The following EPHB2 variants were observed in gnomAD, a reference collection of about 807,000 sequenced individuals.
EPHB2 encodes the protein ephrin type-B receptor 2.
EPHB2 carries 18 observed loss-of-function variants against 96.4 expected under a neutral mutation model. That is an observed-to-expected ratio of 0.19 (90% CI 0.13 to 0.28). The LOEUF is 0.28. EPHB2 is among the 10% of genes least tolerant of loss of function. The probability of loss-of-function intolerance (pLI) is 1.00; values close to 1 mark genes in which losing one functional copy is unlikely to be tolerated. For synonymous variants in EPHB2, 506 were observed against 534.1 expected (o/e 0.95, Z 0.72); for missense variants, 989 against 1,355.4 (o/e 0.73, Z 4.25).
chr1:22,903,493 A>G (rs1639813874), intron 9 of EPHB2, among the ~76,000 whole-genome samples: 1 of 152,224 alleles, frequency 6.6e-6, no homozygotes, highest in African/African-American at 2.4e-5. Context: ...GGCAGTGAAC[A>G]TGGTGATTAG....
chr1:22,801,871 C>T lies in EPHB2; in HGVS notation c.811+16795C>T, dbSNP rs538970654. 3.8e-3 allele frequency among the ~76,000 whole-genome samples: 580 copies of T among 152,358 alleles called. 4 individuals are homozygous for T. The highest frequency in any genetic ancestry group is 0.011 in the African/African-American group (473 of 41,572). ...TTCCCTTTGATTCTCCTCTACCCAG[C>T]GTTTCTGCTGACCTCTGCGTGTTGG... On this transcript the variant is annotated intron_variant, in intron 3 of 15. Coordinates refer to ENST00000374630, the MANE Select transcript of EPHB2 (RefSeq NM_017449.5).
intron 1 of EPHB2, among the ~76,000 whole-genome samples, chr1:22,742,122 G>C (rs545202362): frequency 5.3e-5 from 8 of 152,172 alleles, no homozygotes; most frequent in Non-Finnish European, 1.2e-4. Flanking sequence ...CCAGGCCCCT[G>C]CTCATAGGGT....
At chr1:22,908,689 C>T (rs1247043843) in intron 12 of EPHB2, among the ~76,000 whole-genome samples, 1 of 152,206 alleles carries the variant, frequency 6.6e-6, no homozygotes, top group African/African-American at 2.4e-5. Flanking sequence ...AGGCAAGTCA[C>T]TTGAGTACTG....
At chr1:22,839,082 A>G (rs982036099) in intron 3 of EPHB2, among the ~76,000 whole-genome samples, 5 of 152,170 alleles carry the variant, frequency 3.3e-5, no homozygotes, top group African/African-American at 2.4e-5. Flanking sequence ...AAAAAGCAAA[A>G]CAGCTTTCCC....
chr1:22,757,266 C>T (rs1304669520), intron 1 of EPHB2, among the ~76,000 whole-genome samples: 1 of 151,944 alleles, frequency 6.6e-6, no homozygotes, highest in Non-Finnish European at 1.5e-5. Flanking sequence ...ACCCCAGCCT[C>T]ACTGGGGAGA....
intron 1 of EPHB2, among the ~76,000 whole-genome samples, chr1:22,761,683 CCT>C (rs1345811596): frequency 6.6e-6 from 1 of 152,172 alleles, no homozygotes; most frequent in African/African-American, 2.4e-5. Flanking sequence ...CTCTCCTGGA[CCT>C]CTCTCTCCCT....
Position 22,875,931 on chromosome 1 carries a change from G to A in EPHB2, c.1304-6428G>A, listed in dbSNP as rs1638822986. 6.6e-6 allele frequency among the ~76,000 whole-genome samples: 1 copy of A among 152,148 alleles called. No homozygotes were observed. Among genetic ancestry groups the A allele is most frequent in the Non-Finnish European group, 1.5e-5 (1 of 68,028 alleles). The stretch of plus-strand genomic sequence containing the variant: ...ATGTGGGGGAAGAGGTTTCCAAGCA[G>A]AAACACCATAGGGCCAAGGCCCTGA... On this transcript the variant is annotated intron_variant, in intron 5 of 15. Coordinates refer to ENST00000374630, the MANE Select transcript of EPHB2 (RefSeq NM_017449.5). The surrounding 1 kb of genome is among the most constrained non-coding windows in gnomAD (Gnocchi z 4.2).
chr1:22,825,026 G>T (rs1239997550), intron 3 of EPHB2, among the ~76,000 whole-genome samples: 1 of 152,222 alleles, frequency 6.6e-6, no homozygotes, highest in Non-Finnish European at 1.5e-5. Flanking sequence ...AAGTCATCAG[G>T]AGCTCCTAGA....
intron 9 of EPHB2, 114 bp downstream of exon 9, chr1:22,896,592 A>G: frequency 7.0e-7 from 1 of 1,426,002 alleles, no homozygotes; most frequent in Non-Finnish European, 9.7e-7. Context: ...GACAATGTCA[A>G]GTGGTTGCCT....
chr1:22,895,533 C>T lies in EPHB2; in HGVS notation c.1653C>T (p.Gly551=), dbSNP rs866216294. Residue 551 remains glycine (G), a synonymous_variant, in exon 8 of 16, where the codon GGC becomes GGT. Transcript: ENST00000374630. ...TCATCATCGGCTCCTCGGCCGCTGG[C>T]CTGGTCTTCCTCATTGCTGTGGTTG... ...LPLIIGSSAA[G]LVFLIAVVVI... 7.4e-6 allele frequency: 12 copies of T among 1,614,246 alleles called. No individual in the cohort carries two copies. In the Middle Eastern group the frequency reaches 1.3e-3, roughly 178 times the overall value.
chr1:22,792,239 C>T (rs1488010865), intron 3 of EPHB2, among the ~76,000 whole-genome samples: 1 of 151,938 alleles, frequency 6.6e-6, no homozygotes, highest in Non-Finnish European at 1.5e-5. Flanking sequence ...GGAGGGAGGC[C>T]GCCAGCTGGC....
In EPHB2 at chr1:22,911,143, A is replaced by AAATAAAT. The variant is rs1640087330; in HGVS notation, c.2696+570_2696+571insTAAATAA. ...TGGCAAGAGTGAAACTCCATCTAAA[A>AAATAAAT]AAATAAATAAATAAATAAATAAATA... On this transcript the variant is annotated intron_variant, in intron 14 of 15. Transcript: ENST00000374630. Among the ~76,000 whole-genome samples, 268 of 133,816 alleles carry AAATAAAT rather than the reference A, an allele frequency of 2.0e-3. 3 individuals are homozygous for AAATAAAT. The highest frequency in any genetic ancestry group is 6.1e-3 in the South Asian group (27 of 4,408). The allele number at this position is 133,816 out of a possible 152,430, so 87.8% of individuals were successfully genotyped here. A position where few individuals can be genotyped will look rare whatever the true frequency, so the allele number is the denominator to read the frequency against.
chr1:22,727,811 CTT>C (rs34446692), intron 1 of EPHB2, among the ~76,000 whole-genome samples: 4 of 135,786 alleles, frequency 2.9e-5, no homozygotes, highest in Non-Finnish European at 6.3e-5. Flanking sequence ...AAAAAAAAAA[CTT>C]TTTTTTTTAA....
intron 7 of EPHB2, among the ~76,000 whole-genome samples, chr1:22,893,861 G>T (rs1466887991): frequency 1.3e-5 from 2 of 152,198 alleles, no homozygotes; most frequent in East Asian, 3.9e-4. Context: ...GTTTGTCATT[G>T]CTGTGTGTCT....
intron 1 of EPHB2, among the ~76,000 whole-genome samples, chr1:22,763,795 G>A (rs74905727): frequency 6.7e-4 from 102 of 152,214 alleles, no homozygotes; most frequent in Non-Finnish European, 8.5e-4. Flanking sequence ...AATGGCCAGC[G>A]GGGGGTGAAG....
chr1:22,879,359 T>C (rs1638954562), intron 5 of EPHB2, among the ~76,000 whole-genome samples: 1 of 152,174 alleles, frequency 6.6e-6, no homozygotes, highest in African/African-American at 2.4e-5. Context: ...CAGAAGGGCC[T>C]TATTTTGTTG....
At chr1:22,891,851 G>T (rs1639400734) in intron 6 of EPHB2, among the ~76,000 whole-genome samples, 1 of 151,366 alleles carries the variant, frequency 6.6e-6, no homozygotes, top group Non-Finnish European at 1.5e-5. Flanking sequence ...CTACAGTGCA[G>T]TGGCATAATC....
intron 1 of EPHB2, among the ~76,000 whole-genome samples, chr1:22,754,391 T>C (rs1172153211): frequency 6.6e-6 from 1 of 152,158 alleles, no homozygotes; most frequent in Non-Finnish European, 1.5e-5. Flanking sequence ...CCAGCATCTC[T>C]TGACACCACA....
chr1:22,826,149 G>C (rs1274336214), intron 3 of EPHB2, among the ~76,000 whole-genome samples: 2 of 152,198 alleles, frequency 1.3e-5, no homozygotes, highest in South Asian at 4.1e-4. Flanking sequence ...GAATTGGAGT[G>C]AGGAAGCAGG....
Sources: gnomAD v4.1 joint callset for allele counts (sites outside exome capture counted in the v4.1 genomes callset) on GRCh38, gnomAD v4.1.1 for gene constraint, Gnocchi (gnomAD v3.1) non-coding constraint, MANE v1.5 for transcripts, NCBI Gene and HGNC (gene_info 2026-07-23, HGNC 2026-07-21) for gene names.